The following TLN1 variants were observed in gnomAD, a reference collection of about 807,000 sequenced individuals.
TLN1 encodes the protein talin 1.
A neutral mutation model predicts 292.3 loss-of-function variants in TLN1; 56 were observed. The observed-to-expected ratio is 0.19, with a 90% CI of 0.15 to 0.24. TLN1 has a LOEUF of 0.24. TLN1 is among the 10% of genes least tolerant of loss of function. The probability of loss-of-function intolerance (pLI) is 1.00; values close to 1 mark genes in which losing one functional copy is unlikely to be tolerated. For missense variants in TLN1, 2,433 were observed against 3,248.2 expected, an observed-to-expected ratio of 0.75 and a Z score of 6.10; for synonymous variants, 1,119 against 1,253.7, an observed-to-expected ratio of 0.89 and a Z score of 2.27.
At chr9:35,702,797 G>A (rs1478527669) in intron 48 of TLN1, among the ~76,000 whole-genome samples, 1 of 152,052 alleles carries the variant, frequency 6.6e-6, no homozygotes, top group Non-Finnish European at 1.5e-5. Context: ...GCTGGCGTGA[G>A]CCACCATGCC....
intron 29 of TLN1, 61 bp downstream of exon 29, chr9:35,711,534 A>T: frequency 6.2e-7 from 1 of 1,610,570 alleles, no homozygotes; most frequent in Non-Finnish European, 8.5e-7. Context: ...CTGGTCACTC[A>T]ACTGCCTCCT....
In TLN1 at chr9:35,706,753, C is replaced by T. The variant is rs1825572125; in HGVS notation, c.5088+15G>A. The T allele has an allele frequency of 1.2e-6, 2 of 1,612,330 alleles. No homozygotes were observed. Among genetic ancestry groups the T allele is most frequent in the South Asian group, 2.2e-5 (2 of 90,896 alleles). ...TTCCTAGACACATCTTTCCATATAA[C>T]CCTCTCCCTCTCACCTCTTGAGAGA... is the stretch of plus-strand genomic sequence containing the variant. On this transcript the variant is annotated intron_variant, in intron 38 of 56. Transcript: ENST00000314888. The surrounding 1 kb of genome is among the most constrained non-coding windows in gnomAD (Gnocchi z 4.2).
rs369533854 is a variant in TLN1, at chr9:35,719,694, A to G, written c.1578+46T>C. On this transcript the variant is annotated intron_variant, in intron 14 of 56. Coordinates refer to ENST00000314888, the MANE Select transcript of TLN1 (RefSeq NM_006289.4). This position sits in a 1 kb window ranked among gnomAD's most constrained non-coding sequence, Gnocchi z 4.6. ...GGTTCACCTCATCCCTATCCCTTGG[A>G]GTCTCAGCTTCAGTACCACCGGCCT... 1.2e-5 allele frequency: 19 copies of G among 1,611,456 alleles called. No homozygotes were observed. The highest frequency in any genetic ancestry group is 1.6e-5 in the Non-Finnish European group (19 of 1,177,854).
chr9:35,714,535 G>A lies in TLN1; in HGVS notation c.2985+39C>T. On this transcript the variant is annotated intron_variant, in intron 23 of 56. Transcript: ENST00000314888. This position sits in a 1 kb window ranked among gnomAD's most constrained non-coding sequence, Gnocchi z 4.6. ...TGGGAGATGGAAGCTTAGAAAGGTG[G>A]GAAGGTCAGGTCAGAGAAGTGCAGA... 1 of 1,598,748 alleles carries A rather than the reference G, an allele frequency of 6.3e-7. No homozygotes were observed. The highest frequency in any genetic ancestry group is 8.5e-7 in the Non-Finnish European group (1 of 1,176,914).
At chr9:35,730,370 C>T (rs1009830960) in intron 1 of TLN1, among the ~76,000 whole-genome samples, 1 of 151,620 alleles carries the variant, frequency 6.6e-6, no homozygotes, top group Non-Finnish European at 1.5e-5. Flanking sequence ...CCTGGCTGGG[C>T]GTGGGATCAG....
In TLN1 at chr9:35,706,553, T is replaced by A. The variant is rs1302943110; in HGVS notation, c.5089-2A>T. 1 of 1,613,710 alleles carries A rather than the reference T, an allele frequency of 6.2e-7. No homozygotes were observed. The highest frequency in any genetic ancestry group is 8.5e-7 in the Non-Finnish European group (1 of 1,179,938). On this transcript the variant is annotated splice_acceptor_variant, in intron 38 of 56. Coordinates refer to ENST00000314888, the MANE Select transcript of TLN1 (RefSeq NM_006289.4). LOFTEE classifies it high-confidence loss of function. The surrounding 1 kb of genome is among the most constrained non-coding windows in gnomAD (Gnocchi z 4.2). ...AGTGAGCATCTGAGTGTGCAAGGCC[T>A]GGGGAGGAAGTGGACATTAGCCCTG... is the stretch of plus-strand genomic sequence containing the variant.
Position 35,717,498 on chromosome 9 carries a change from C to A in TLN1, c.2164-58G>T. On this transcript the variant is annotated intron_variant, in intron 18 of 56. Coordinates refer to ENST00000314888, the MANE Select transcript of TLN1 (RefSeq NM_006289.4). The surrounding 1 kb of genome is among the most constrained non-coding windows in gnomAD (Gnocchi z 4.7). Reference sequence around the variant, plus strand: ...AAGGGAAAGGAGGTAGAGTATGCTGCTCATAGCAGTAACTGGGATGGGTGA... The same window carrying A: ...AAGGGAAAGGAGGTAGAGTATGCTGATCATAGCAGTAACTGGGATGGGTGA... 1 of 1,584,442 alleles carries A rather than the reference C, an allele frequency of 6.3e-7. No individual in the cohort carries two copies. The highest frequency in any genetic ancestry group is 8.6e-7 in the Non-Finnish European group (1 of 1,160,794).
intron 34 of TLN1, 169 bp from the exon 35 acceptor site, chr9:35,708,061 TGA>T: frequency 1.2e-6 from 1 of 816,000 alleles, no homozygotes; most frequent in East Asian, 2.7e-5. Flanking sequence ...TACCCAAAGA[TGA>T]ACTGGGCATG....
intron 48 of TLN1, among the ~76,000 whole-genome samples, chr9:35,702,304 A>G (rs1825479114): frequency 6.6e-6 from 1 of 152,208 alleles, no homozygotes; most frequent in African/African-American, 2.4e-5. Context: ...TCAGAACTGG[A>G]TGTCTGCTTC....
At position 35,707,293 on chromosome 9, in the gene TLN1, C is replaced by A; in HGVS notation, c.4774-40G>T. On this transcript the variant is annotated intron_variant, in intron 36 of 56. Transcript: ENST00000314888. This position sits in a 1 kb window ranked among gnomAD's most constrained non-coding sequence, Gnocchi z 5.6. ...GGCAGGAAGGTAAGTCTCAGGAGTC[C>A]CTGGAAGATGAGGTGATAAGCTGGC... The A allele has an allele frequency of 6.2e-7, 1 of 1,607,306 alleles. No individual in the cohort carries two copies. Among genetic ancestry groups the A allele is most frequent in the Non-Finnish European group, 8.5e-7 (1 of 1,175,052 alleles).
chr9:35,724,998 G>A lies in TLN1; in HGVS notation c.229-39C>T, dbSNP rs1378576225. On this transcript the variant is annotated intron_variant, in intron 3 of 56. Transcript: ENST00000314888. This position sits in a 1 kb window ranked among gnomAD's most constrained non-coding sequence, Gnocchi z 4.7. ...AAGAAGAGACAGGGGCCTACTCTGA[G>A]CTAGGGGTATTATTTCCTCTTTACA... The A allele has an allele frequency of 2.5e-6, 4 of 1,612,964 alleles. No individual in the cohort carries two copies. Among genetic ancestry groups the A allele is most frequent in the Non-Finnish European group, 1.7e-6 (2 of 1,179,810 alleles).
chr9:35,723,608 C>A (rs1320037177), intron 7 of TLN1: 1 of 254,630 alleles, frequency 3.9e-6, no homozygotes, highest in Non-Finnish European at 7.7e-6. Flanking sequence ...GAAACACCAG[C>A]AGATGAGGCT....
chr9:35,708,707 TA>T (rs1310509500), intron 33 of TLN1, among the ~76,000 whole-genome samples: 1 of 152,216 alleles, frequency 6.6e-6, no homozygotes, highest in African/African-American at 2.4e-5. Context: ...TTCAGAAGAT[TA>T]AAAAAGTTAA....
Position 35,720,278 on chromosome 9 carries a change from C to T in TLN1, c.1284-59G>A, listed in dbSNP as rs542808656. Reference sequence around the variant, plus strand: ...ACTCCTCATCTCTACCCGTCCCACCCGGTTACACTACCTTTGCAGGTGTGT... The same window carrying T: ...ACTCCTCATCTCTACCCGTCCCACCTGGTTACACTACCTTTGCAGGTGTGT... On this transcript the variant is annotated intron_variant, in intron 12 of 56. Coordinates refer to ENST00000314888, the MANE Select transcript of TLN1 (RefSeq NM_006289.4). 48 of 1,544,890 alleles carry T rather than the reference C, an allele frequency of 3.1e-5. No individual in the cohort carries two copies. The South Asian group carries it at 3.2e-4, about 10-fold the overall frequency.
intron 7 of TLN1, chr9:35,723,620 G>T (rs968176574): frequency 3.6e-6 from 1 of 277,056 alleles, no homozygotes; most frequent in South Asian, 3.7e-5. Context: ...GATGAGGCTT[G>T]TGAGACTTTT....
chr9:35,715,846 G>T (rs1825767879), intron 20 of TLN1, among the ~76,000 whole-genome samples: 1 of 152,264 alleles, frequency 6.6e-6, no homozygotes, highest in African/African-American at 2.4e-5. Context: ...CTAGATAGGA[G>T]TAAGTTCTAG....
In TLN1 at chr9:35,703,880, C is replaced by T. The variant is rs1240977597; in HGVS notation, c.6252G>A (p.Val2084=). 1.9e-6 allele frequency: 3 copies of T among 1,614,088 alleles called. No individual in the cohort carries two copies. Among genetic ancestry groups the T allele is most frequent in the East Asian group, 4.5e-5 (2 of 44,902 alleles). Residue 2084 remains valine, a synonymous_variant, in exon 47 of 57, where the codon GTG becomes GTA. Transcript: ENST00000314888. The stretch of plus-strand genomic sequence containing the variant: ...CTCCCAGGGCTTTGGCTACATCTTT[C>T]ACTGCGTTGATTAGTACCACCTGTG... ...PETQVVLINA[V]KDVAKALGDL... is the part of the protein sequence containing the mutation.
At chr9:35,722,029 T>C (rs1373245640) in intron 9 of TLN1, 90 bp downstream of exon 9, 3 of 1,300,150 alleles carry the variant, frequency 2.3e-6, no homozygotes, top group African/African-American at 2.9e-5. Context: ...TGGTGGGAGA[T>C]GTGACTGAGG....
At position 35,724,300 on chromosome 9, in the gene TLN1, C is replaced by T. The variant is rs1319556342; in HGVS notation, c.546G>A (p.Glu182=). 1 of 1,614,192 alleles carries T rather than the reference C, an allele frequency of 6.2e-7. No homozygotes were observed. Among genetic ancestry groups the T allele is most frequent in the Non-Finnish European group, 8.5e-7 (1 of 1,180,026 alleles). ...GCGTCTCGTGCTCCTCTACACCCTG[C>T]TCCCTCAGTGTCCGACCATGGTCCA... ...NWLDHGRTLR[E]QGVEEHETLL... The change falls in exon 6 of 57, where the codon GAG becomes GAA. Residue 182 remains glutamate, a synonymous_variant. Coordinates refer to ENST00000314888, the MANE Select transcript of TLN1 (RefSeq NM_006289.4). The surrounding 1 kb of genome is among the most constrained non-coding windows in gnomAD (Gnocchi z 4.7).
Sources: allele counts gnomAD v4.1 joint callset (sites outside exome capture counted in the v4.1 genomes callset), GRCh38; gene constraint gnomAD v4.1.1; non-coding constraint Gnocchi (gnomAD v3.1); transcripts MANE v1.5; gene names NCBI Gene and HGNC (gene_info 2026-07-23, HGNC 2026-07-21).